Variants in HIP1R observed in about 807,000 individuals in gnomAD.
HIP1R encodes huntingtin interacting protein 1 related, also known as huntingtin-interacting protein 1-related protein.
HIP1R carries 135 observed loss-of-function variants against 144.2 expected under a neutral mutation model. That is an observed-to-expected ratio of 0.94 (90% CI 0.81 to 1.08). The LOEUF is 1.08. Ranked by LOEUF, HIP1R falls within the 50% of genes least tolerant of loss-of-function variation. The pLI, the probability that HIP1R is intolerant of heterozygous loss-of-function variation, is 0.00. For missense variants in HIP1R, 1,462 were observed against 1,432.8 expected (o/e 1.02, Z -0.33); for synonymous variants, 698 against 612.8 (o/e 1.14, Z -2.05).
Position 122,860,498 on chromosome 12 carries a change from G to A in HIP1R, c.2635G>A (p.Val879Met). Residue 879 changes from valine (V) to methionine (M), a missense_variant, in exon 27 of 32, where the codon GTG (valine) becomes ATG (methionine). Transcript: ENST00000253083. ...AGGCCTCATCTCGGCCTCCAAGGCTGTGGGCTGGGGAGCCACACAGCTGGT... is the reference window on the plus strand; with the variant it reads ...AGGCCTCATCTCGGCCTCCAAGGCTATGGGCTGGGGAGCCACACAGCTGGT... Reference protein sequence around the residue: ...TEGLISASKAVGWGATQLVEA... With the variant: ...TEGLISASKAMGWGATQLVEA... The A allele has an allele frequency of 6.2e-7, 1 of 1,612,960 alleles. No homozygotes were observed. The highest frequency in any genetic ancestry group is 1.1e-5 in the South Asian group (1 of 91,074).
Position 122,848,619 on chromosome 12 carries a change from G to C in HIP1R, c.300+11G>C, listed in dbSNP as rs753210833. The C allele has an allele frequency of 1.2e-5, 20 of 1,606,480 alleles. No homozygotes were observed. The highest frequency in any genetic ancestry group is 3.3e-4 in the Middle Eastern group (2 of 6,054). ...GACGGGCACCCCAATGTGAGTAGCA[G>C]CTGCTGCCTCTGCTCCCCGGAGCTG... On this transcript the variant is annotated intron_variant, in intron 3 of 31. Coordinates refer to ENST00000253083, the MANE Select transcript of HIP1R (RefSeq NM_003959.3).
Position 122,859,200 on chromosome 12 carries a change from G to T in HIP1R, c.2295+3G>T. On this transcript the variant is annotated splice_donor_region_variant and intron_variant, in intron 22 of 31. Coordinates refer to ENST00000253083, the MANE Select transcript of HIP1R (RefSeq NM_003959.3). ...AGGGCATCCTTCAGCTGGGCCAGGT[G>T]AGGCACAGCTGAGTGTGGGTTTGGG... 1 of 1,569,992 alleles carries T rather than the reference G, an allele frequency of 6.4e-7. No homozygotes were observed.
intron 15 of HIP1R, 43 bp downstream of exon 15, chr12:122,856,387 C>T (rs367897494): frequency 4.3e-5 from 70 of 1,610,168 alleles, no homozygotes; most frequent in Middle Eastern, 1.6e-4. Flanking sequence ...GGCAGGGCCT[C>T]TCGGGGATGG....
chr12:122,860,885 C>T, intron 28 of HIP1R, 31 bp from the exon 29 acceptor site: 1 of 1,601,710 alleles, frequency 6.2e-7, no homozygotes, highest in East Asian at 2.3e-5. Context: ...AGCTGGGAGA[C>T]CTGGGCCCAC....
In HIP1R at chr12:122,856,486, G is replaced by T; in HGVS notation, c.1456G>T (p.Ala486Ser). 6.3e-7 allele frequency: 1 copy of T among 1,590,818 alleles called. No homozygotes were observed. Among genetic ancestry groups the T allele is most frequent in the Non-Finnish European group, 8.6e-7 (1 of 1,168,070 alleles). ...TVTQQSQEEV[A>S]RVKEQLAFQV... ...GACGCAGCAAAGCCAGGAGGAGGTG[G>T]CGCGGGTGAAGGAGCAGCTGGCCTT... The change falls in exon 16 of 32, where the codon GCG (alanine) becomes TCG (serine). Residue 486 changes from alanine (A) to serine (S), a missense_variant. By Grantham distance (99) the Ala-to-Ser change is moderately conservative. Around this residue, in one of 2 missense-constraint regions of HIP1R, gnomAD observed 1,112 missense variants for 1,011.7 expected, o/e 1.10. Transcript: ENST00000253083.
rs2033783974 is a variant in HIP1R at position 122,861,922 on chromosome 12, G to A, written c.*169G>A. ...CCTTACTGAGCCTGCAGGGTCCTGG[G>A]CCATGTGGGTGGTGCTTCTGGATGT... is the stretch of plus-strand genomic sequence containing the variant. On this transcript the variant is annotated 3_prime_UTR_variant, in exon 32 of 32. Coordinates refer to ENST00000253083, the MANE Select transcript of HIP1R (RefSeq NM_003959.3). 2 of 603,240 alleles carry A rather than the reference G, an allele frequency of 3.3e-6. No individual in the cohort carries two copies. Among genetic ancestry groups the A allele is most frequent in the South Asian group, 2.2e-5 (1 of 45,512 alleles). 37.4% of individuals were successfully genotyped at this position (603,240 alleles called of 1,614,324 possible).
intron 7 of HIP1R, 35 bp from the exon 8 acceptor site, chr12:122,854,008 G>C (rs1191202530): frequency 6.2e-7 from 1 of 1,604,272 alleles, no homozygotes; most frequent in African/African-American, 1.3e-5. Flanking sequence ...CAGCTCCCAA[G>C]GGCTCACGTT....
At chr12:122,850,256 C>T (rs1261826966) in intron 5 of HIP1R, 2 of 561,158 alleles carry the variant, frequency 3.6e-6, no homozygotes, top group Non-Finnish European at 6.8e-6. Flanking sequence ...TCCTCCCAAC[C>T]CCTCCACTGC....
At chr12:122,834,943 C>T, upstream of HIP1R, 1 of 1,289,366 alleles carries the variant, frequency 7.8e-7, no homozygotes, top group South Asian at 1.2e-5. Flanking sequence ...TGCCACCGAC[C>T]AGACTCATGG....
intron 17 of HIP1R, 46 bp from the exon 18 acceptor site, chr12:122,856,975 G>GGGGCC: frequency 7.1e-7 from 1 of 1,403,572 alleles, no homozygotes; most frequent in Non-Finnish European, 9.6e-7. Flanking sequence ...GGTGGGTGGG[G>GGGGCC]CCTGGGAGCT....
At chr12:122,835,280 A>C, upstream of HIP1R, 7 of 238,324 alleles carry the variant, frequency 2.9e-5, no homozygotes, top group Non-Finnish European at 3.8e-5. Context: ...GTGTCCCGAG[A>C]TCGCGGGGGG....
chr12:122,842,723 C>G (rs1281922428), intron 1 of HIP1R, among the ~76,000 whole-genome samples: 1 of 152,218 alleles, frequency 6.6e-6, no homozygotes, highest in Non-Finnish European at 1.5e-5. Context: ...CATCTGGACT[C>G]CACATCAGGC....
chr12:122,847,329 A>G (rs1024022558), intron 1 of HIP1R, among the ~76,000 whole-genome samples: 1 of 152,092 alleles, frequency 6.6e-6, no homozygotes, highest in African/African-American at 2.4e-5. Context: ...AGACTGCCAT[A>G]GGTGGAGCGG....
rs183614669 is a variant in HIP1R, at chr12:122,838,235, G to A, written c.93+2592G>A. Among the ~76,000 whole-genome samples the A allele has an allele frequency of 1.6e-4, 24 of 151,936 alleles. 1 individual carries two copies. The highest frequency in any genetic ancestry group is 9.2e-4 in the Admixed American group (14 of 15,258). ...CTGCTGGGAGCTGGTGCCTGTGATT[G>A]TTGCATGGTGTGTGTGTATAATCCC... is the stretch of plus-strand genomic sequence containing the variant. On this transcript the variant is annotated intron_variant, in intron 1 of 31. Transcript: ENST00000253083.
At chr12:122,854,803 T>C in intron 8 of HIP1R, 102 bp from the exon 9 acceptor site, 2 of 1,269,146 alleles carry the variant, frequency 1.6e-6, no homozygotes, top group South Asian at 1.3e-5. Context: ...TCTCAGGTGA[T>C]CTCTGATCTG....
At chr12:122,852,942 C>T (rs1045474955) in intron 7 of HIP1R, among the ~76,000 whole-genome samples, 1 of 152,086 alleles carries the variant, frequency 6.6e-6, no homozygotes, top group Non-Finnish European at 1.5e-5. Flanking sequence ...CAAGGGGCGG[C>T]ACTTTGTGTC....
chr12:122,850,219 CT>C, intron 5 of HIP1R: 1 of 617,362 alleles, frequency 1.6e-6, no homozygotes, highest in South Asian at 1.5e-5. Flanking sequence ...CTTCCTCAGT[CT>C]CTGCTGTGCT....
At chr12:122,859,386 G>C (rs780457914) in intron 22 of HIP1R, 40 bp from the exon 23 acceptor site, 9 of 1,565,098 alleles carry the variant, frequency 5.8e-6, no homozygotes, top group Middle Eastern at 1.7e-4. Context: ...GGGACGGGGG[G>C]GGACGGAGGC....
At chr12:122,852,336 G>A (rs2033423800) in intron 7 of HIP1R, among the ~76,000 whole-genome samples, 1 of 152,216 alleles carries the variant, frequency 6.6e-6, no homozygotes, top group Non-Finnish European at 1.5e-5. Flanking sequence ...CAGAGGGCAG[G>A]TGTCCAAAGG....
Sources: gnomAD v4.1 joint callset for allele counts (sites outside exome capture counted in the v4.1 genomes callset) on GRCh38, gnomAD v4.1.1 for gene constraint, gnomAD v4.1.1 regional missense constraint, MANE v1.5 for transcripts, NCBI Gene and HGNC (gene_info 2026-07-23, HGNC 2026-07-21) for gene names.